The following NWD1 variants were observed in gnomAD, a reference collection of about 807,000 sequenced individuals.
The protein encoded by NWD1 is NACHT domain- and WD repeat-containing protein 1.
A neutral mutation model predicts 135.1 loss-of-function variants in NWD1; 129 were observed. The observed-to-expected ratio is 0.96, with a 90% CI of 0.83 to 1.11. The LOEUF is 1.11. Among genes scored for constraint, NWD1 ranks in the 50% least tolerant of loss-of-function variants. The probability of loss-of-function intolerance (pLI) is 0.00; values close to 1 mark genes in which losing one functional copy is unlikely to be tolerated. For missense variants in NWD1, 1,740 were observed against 1,851.3 expected, an observed-to-expected ratio of 0.94 and a Z score of 1.10; for synonymous variants, 773 against 786.0, an observed-to-expected ratio of 0.98 and a Z score of 0.28.
Position 16,765,123 on chromosome 19 carries a change from T to TGGTTGAGGTTGG in NWD1, c.2341_2342insGGTTGAGGTTGG (p.Ser781delinsTrpLeuArgLeuAla), listed in dbSNP as rs749210683. 1 of 1,614,064 alleles carries TGGTTGAGGTTGG rather than the reference T, an allele frequency of 6.2e-7. No homozygotes were observed. The highest frequency in any genetic ancestry group is 1.1e-5 in the South Asian group (1 of 91,076). ...TGACCTGTGTGCCCCTCACCTGGAC[T>TGGTTGAGGTTGG]CCCCTGAGGTTGGCCTGGTCCGTGA... On this transcript the variant is annotated protein_altering_variant, in exon 10 of 19. Coordinates refer to ENST00000524140, the MANE Select transcript of NWD1 (RefSeq NM_001007525.5).
Position 16,797,759 on chromosome 19 carries a change from TGGC to T in NWD1, c.3335_3337del (p.Ala1112del). 6.2e-7 allele frequency: 1 copy of T among 1,614,128 alleles called. No individual in the cohort carries two copies. The highest frequency in any genetic ancestry group is 8.5e-7 in the Non-Finnish European group (1 of 1,180,006). ...TTTGGAAGATCGGTGCGGATATTCTTGGCGGACTCGAGGGGCTTTCGCCGATTC... is the reference window on the plus strand; with the variant it reads ...TTTGGAAGATCGGTGCGGATATTCTTGGACTCGAGGGGCTTTCGCCGATTC... On this transcript the variant is annotated inframe_deletion, in exon 16 of 19. Transcript: ENST00000524140.
At chr19:16,774,755 T>C (rs781093948) in intron 11 of NWD1, among the ~76,000 whole-genome samples, 1 of 151,782 alleles carries the variant, frequency 6.6e-6, no homozygotes, top group Admixed American at 6.6e-5. Flanking sequence ...CTTTCTTTCT[T>C]CCTTCCTTCC....
At position 16,749,873 on chromosome 19, in the gene NWD1, A is replaced by T. The variant is rs776767700; in HGVS notation, c.1231A>T (p.Thr411Ser). 3 of 1,613,412 alleles carry T rather than the reference A, an allele frequency of 1.9e-6. No homozygotes were observed. Among genetic ancestry groups the T allele is most frequent in the Non-Finnish European group, 2.5e-6 (3 of 1,180,000 alleles). ...LPPAQVLDAH[T>S]RVVQFFHTLL... is the part of the protein sequence containing the mutation. The stretch of plus-strand genomic sequence containing the variant: ...CCCTGCCCAGGTTCTGGACGCCCAC[A>T]CCAGGGTGGTCCAGTTTTTCCATAC... Residue 411 changes from threonine (T) to serine (S), a missense_variant, in exon 6 of 19, where the codon ACC becomes TCC. Coordinates refer to ENST00000524140, the MANE Select transcript of NWD1 (RefSeq NM_001007525.5).
Position 16,731,176 on chromosome 19 carries a change from A to G in NWD1, c.-6-16A>G, listed in dbSNP as rs1422120644. The G allele has an allele frequency of 7.0e-7, 1 of 1,428,204 alleles. No homozygotes were observed. 88.5% of individuals were successfully genotyped at this position (1,428,204 alleles called of 1,614,324 possible). ...TGAGTCCTTTCCACTAATACCCTCC[A>G]TGCCCTTCCTTGCAGATATGGATGC... is the stretch of plus-strand genomic sequence containing the variant. On this transcript the variant is annotated splice_polypyrimidine_tract_variant and intron_variant, in intron 2 of 18. Transcript: ENST00000524140.
At chr19:16,764,092 CA>C in intron 9 of NWD1, 147 bp downstream of exon 9, 1 of 598,668 alleles carries the variant, frequency 1.7e-6, no homozygotes, top group Non-Finnish European at 3.0e-6. Context: ...ATTCTACACC[CA>C]GGGGATGCCT....
In NWD1 at chr19:16,797,722, G is replaced by A; in HGVS notation, c.3305-10G>A. The A allele has an allele frequency of 6.2e-7, 1 of 1,612,518 alleles. No homozygotes were observed. The highest frequency in any genetic ancestry group is 1.1e-5 in the South Asian group (1 of 90,874). On this transcript the variant is annotated splice_polypyrimidine_tract_variant and intron_variant, in intron 15 of 18. Transcript: ENST00000524140. Reference sequence around the variant, plus strand: ...CATGAGAGGTGTAACCCCAGTTCCTGCCGTTTCAGGCTTTGGAAGATCGGT... The same window carrying A: ...CATGAGAGGTGTAACCCCAGTTCCTACCGTTTCAGGCTTTGGAAGATCGGT...
intron 10 of NWD1, among the ~76,000 whole-genome samples, chr19:16,769,682 C>T (rs1284964006): frequency 6.6e-6 from 1 of 152,130 alleles, no homozygotes; most frequent in Non-Finnish European, 1.5e-5. Flanking sequence ...TCGCCTCCCC[C>T]AGCCCTTCTG....
intron 2 of NWD1, among the ~76,000 whole-genome samples, chr19:16,726,175 TG>T (rs1325220839): frequency 1.3e-5 from 2 of 152,134 alleles, no homozygotes. Flanking sequence ...TTGGTCAGGC[TG>T]GTCTCGAACT....
intron 17 of NWD1, among the ~76,000 whole-genome samples, chr19:16,804,592 C>CTGTTT (rs1241909325): frequency 2.8e-5 from 4 of 143,976 alleles, no homozygotes; most frequent in Admixed American, 1.4e-4. Context: ...CCCTGTCTCT[C>CTGTTT]TGTTTTTTTT....
chr19:16,764,763 C>G (rs546507289), intron 9 of NWD1, among the ~76,000 whole-genome samples: 1 of 152,094 alleles, frequency 6.6e-6, no homozygotes. Context: ...TCTGCCCCCC[C>G]AGGGGACACT....
chr19:16,776,515 C>T (rs946813939), intron 11 of NWD1, among the ~76,000 whole-genome samples: 4 of 150,624 alleles, frequency 2.7e-5, no homozygotes, highest in African/African-American at 4.9e-5. Flanking sequence ...TTGCAGTGAG[C>T]GGAGATCGTT....
At position 16,799,885 on chromosome 19, in the gene NWD1, G is replaced by A; in HGVS notation, c.3460-1G>A. On this transcript the variant is annotated splice_acceptor_variant, in intron 16 of 18. Transcript: ENST00000524140. LOFTEE classifies it high-confidence loss of function. ...TCTGCCCTCCTGTTCTGCTTCCTCA[G>A]GTGTGGAGTCTGTCAGAACAGGGGA... The A allele has an allele frequency of 6.2e-7, 1 of 1,601,932 alleles. No individual in the cohort carries two copies. The highest frequency in any genetic ancestry group is 8.5e-7 in the Non-Finnish European group (1 of 1,173,300).
intron 9 of NWD1, among the ~76,000 whole-genome samples, chr19:16,764,168 G>A (rs915783129): frequency 5.3e-5 from 8 of 152,126 alleles, no homozygotes; most frequent in Admixed American, 1.3e-4. Context: ...GAATCTGGTG[G>A]GTGGAGGCCA....
At chr19:16,801,120 C>T (rs1418659865) in intron 17 of NWD1, among the ~76,000 whole-genome samples, 2 of 151,868 alleles carry the variant, frequency 1.3e-5, no homozygotes, top group Admixed American at 1.3e-4. Context: ...TCCACTAAAG[C>T]AATACAAAAT....
intron 10 of NWD1, among the ~76,000 whole-genome samples, chr19:16,772,210 A>G (rs1969438550): frequency 6.6e-6 from 1 of 152,136 alleles, no homozygotes; most frequent in Non-Finnish European, 1.5e-5. Context: ...TACAAAAAAT[A>G]AAAAACTAAC....
At chr19:16,796,766 G>A (rs945408789) in intron 15 of NWD1, among the ~76,000 whole-genome samples, 3 of 151,620 alleles carry the variant, frequency 2.0e-5, no homozygotes, top group African/African-American at 7.3e-5. Context: ...GTTATCAAAG[G>A]CCTGCTGTGT....
intron 4 of NWD1, 28 bp downstream of exon 4, chr19:16,736,778 C>A: frequency 7.9e-7 from 1 of 1,268,988 alleles, no homozygotes; most frequent in Non-Finnish European, 1.1e-6. Flanking sequence ...AATGGGTTAG[C>A]TCTTACTCCT....
chr19:16,729,207 T>C (rs1229115814), intron 2 of NWD1, among the ~76,000 whole-genome samples: 1 of 152,078 alleles, frequency 6.6e-6, no homozygotes, highest in African/African-American at 2.4e-5. Context: ...CAATGTACTG[T>C]GTGTCAGGCT....
chr19:16,725,698 G>T lies in NWD1; in HGVS notation c.-7+1235G>T, dbSNP rs1019904085. 2.0e-5 allele frequency among the ~76,000 whole-genome samples: 3 copies of T among 147,338 alleles called. No individual in the cohort carries two copies. In the Admixed American group the frequency reaches 2.0e-4, roughly 10 times the overall value. On this transcript the variant is annotated intron_variant, in intron 2 of 18. Transcript: ENST00000524140. ...CTCCCAAGTAGCTGGGACTACAGGG[G>T]CTCAGGACCATGCCTGGCTTATTTC...
Sources: gnomAD v4.1 joint callset for allele counts (sites outside exome capture counted in the v4.1 genomes callset) on GRCh38, gnomAD v4.1.1 for gene constraint, MANE v1.5 for transcripts, NCBI Gene and HGNC (gene_info 2026-07-23, HGNC 2026-07-21) for gene names.